Variants in FGD4 observed in about 807,000 individuals in gnomAD.
FGD4 encodes FYVE, RhoGEF and PH domain-containing protein 4.
A neutral mutation model predicts 102.0 loss-of-function variants in FGD4; 42 were observed. That is an observed-to-expected ratio of 0.41 (90% CI 0.32 to 0.53). FGD4 has a LOEUF of 0.53. Ranked by LOEUF, FGD4 falls within the 20% of genes least tolerant of loss-of-function variation. The probability of loss-of-function intolerance (pLI) is 0.21; values close to 1 mark genes in which losing one functional copy is unlikely to be tolerated. For synonymous variants in FGD4, 380 were observed against 375.7 expected, an observed-to-expected ratio of 1.01 and a Z score of -0.13; for missense variants, 902 against 1,078.2, an observed-to-expected ratio of 0.84 and a Z score of 2.29.
chr12:32,525,500 A>G (rs1364799127), intron 1 of FGD4, among the ~76,000 whole-genome samples: 1 of 152,236 alleles, frequency 6.6e-6, no homozygotes, highest in African/African-American at 2.4e-5. Flanking sequence ...TTGAGAGGTG[A>G]CAGCGTGCTG....
chr12:32,618,501 A>G (rs111553153), intron 10 of FGD4, among the ~76,000 whole-genome samples: 22,573 of 151,994 alleles, frequency 0.15, 1,911 homozygotes, highest in Middle Eastern at 0.24. Context: ...TAAATAGGCT[A>G]TTTTTTAAAA....
intron 5 of FGD4, among the ~76,000 whole-genome samples, chr12:32,601,045 A>G (rs1948391102): frequency 6.6e-6 from 1 of 152,230 alleles, no homozygotes; most frequent in Admixed American, 6.5e-5. Context: ...TCGCCATAAT[A>G]TTCCTATGGA....
At chr12:32,441,765 T>C (rs781307356) in intron 1 of FGD4, among the ~76,000 whole-genome samples, 3 of 152,040 alleles carry the variant, frequency 2.0e-5, no homozygotes, top group Non-Finnish European at 4.4e-5. Flanking sequence ...TAGACTGCCT[T>C]TCAAGTTTAC....
chr12:32,470,740 C>T (rs933736901), intron 1 of FGD4, among the ~76,000 whole-genome samples: 15 of 152,130 alleles, frequency 9.9e-5, no homozygotes, highest in African/African-American at 2.7e-4. Flanking sequence ...AGGCGTGAGC[C>T]GCTGCGCCCG....
chr12:32,529,536 A>G (rs770976532), intron 1 of FGD4, among the ~76,000 whole-genome samples: 2 of 151,906 alleles, frequency 1.3e-5, no homozygotes, highest in Admixed American at 6.6e-5. Flanking sequence ...GCTTATTTGT[A>G]CATAATTTAT....
intron 1 of FGD4, among the ~76,000 whole-genome samples, chr12:32,413,038 C>G (rs1353959584): frequency 6.0e-5 from 9 of 149,406 alleles, no homozygotes; most frequent in African/African-American, 2.2e-4. Flanking sequence ...AATTGCGCCA[C>G]TGCACTCCAG....
chr12:32,624,623 A>G (rs1950039165), intron 12 of FGD4, 171 bp downstream of exon 12: 2 of 697,634 alleles, frequency 2.9e-6, no homozygotes, highest in Non-Finnish European at 5.1e-6. Context: ...GGCGTGCACC[A>G]CCATGTCTGG....
Position 32,530,941 on chromosome 12 carries a change from G to GTTTTTTTTTTTTTTTTTTTT in FGD4, c.167-33186_167-33167dup, listed in dbSNP as rs768536136. On this transcript the variant is annotated intron_variant, in intron 1 of 16. Coordinates refer to ENST00000534526, the MANE Select transcript of FGD4 (RefSeq NM_001370298.3). The stretch of plus-strand genomic sequence containing the variant: ...TATGACAATCAGTTTCCTAGCTTTG[G>GTTTTTTTTTTTTTTTTTTTT]TTTTTTTTTTTTTTTTTTTTTTTTT... 1.1e-4 allele frequency among the ~76,000 whole-genome samples: 8 copies of GTTTTTTTTTTTTTTTTTTTT among 70,478 alleles called. 2 individuals are homozygous for GTTTTTTTTTTTTTTTTTTTT. The highest frequency in any genetic ancestry group is 1.4e-4 in the African/African-American group (2 of 14,492). 46.2% of individuals were successfully genotyped at this position (70,478 alleles called of 152,430 possible).
chr12:32,571,428 C>A (rs1411158079), intron 2 of FGD4, among the ~76,000 whole-genome samples: 1 of 151,160 alleles, frequency 6.6e-6, no homozygotes, highest in Non-Finnish European at 1.5e-5. Context: ...ACCCTCCAGC[C>A]TGGGTGACAG....
chr12:32,518,536 G>A (rs1040683105), intron 1 of FGD4, among the ~76,000 whole-genome samples: 2 of 151,848 alleles, frequency 1.3e-5, no homozygotes, highest in East Asian at 1.9e-4. Flanking sequence ...CCTTTTTCTA[G>A]CATTTTTTTC....
chr12:32,471,635 C>T (rs1359639665), intron 1 of FGD4, among the ~76,000 whole-genome samples: 3 of 152,118 alleles, frequency 2.0e-5, no homozygotes, highest in Non-Finnish European at 2.9e-5. Flanking sequence ...TATTATGTCT[C>T]ATGATTCAGT....
intron 2 of FGD4, 133 bp downstream of exon 2, chr12:32,564,422 G>A: frequency 8.7e-7 from 1 of 1,144,664 alleles, no homozygotes; most frequent in Non-Finnish European, 1.2e-6. Flanking sequence ...TTTTAGAGAA[G>A]AGTCCATCTG....
At chr12:32,522,706 C>T (rs1940674677) in intron 1 of FGD4, among the ~76,000 whole-genome samples, 1 of 152,136 alleles carries the variant, frequency 6.6e-6, no homozygotes, top group Non-Finnish European at 1.5e-5. Flanking sequence ...CTTCTCAAAA[C>T]CTTGGGTGAT....
At chr12:32,530,706 ATATT>A (rs766531708) in intron 1 of FGD4, among the ~76,000 whole-genome samples, 39 of 151,174 alleles carry the variant, frequency 2.6e-4, no homozygotes, top group Non-Finnish European at 3.6e-4. Flanking sequence ...ATCACTAAAC[ATATT>A]TATTTAATAG....
At chr12:32,521,330 C>T (rs1940523836) in intron 1 of FGD4, among the ~76,000 whole-genome samples, 1 of 147,632 alleles carries the variant, frequency 6.8e-6, no homozygotes, top group Non-Finnish European at 1.5e-5. Context: ...GAGCCAAGAT[C>T]GCACCACTGC....
chr12:32,493,786 C>G (rs1253899308), intron 1 of FGD4, among the ~76,000 whole-genome samples: 1 of 152,076 alleles, frequency 6.6e-6, no homozygotes, highest in African/African-American at 2.4e-5. Context: ...AAGAAACGTT[C>G]AATATAATGT....
rs1943073135 is a variant in FGD4, at chr12:32,544,396, C to T, written c.167-19741C>T. ...AGTGAGCCGAGATGGTGCCACTGCACTCCAGCCTGGGTGACAAAGCAAGAC... is the reference window on the plus strand; with the variant it reads ...AGTGAGCCGAGATGGTGCCACTGCATTCCAGCCTGGGTGACAAAGCAAGAC... On this transcript the variant is annotated intron_variant, in intron 1 of 16. Coordinates refer to ENST00000534526, the MANE Select transcript of FGD4 (RefSeq NM_001370298.3). The surrounding 1 kb of genome is among the most constrained non-coding windows in gnomAD (Gnocchi z 4.1). 6.6e-6 allele frequency among the ~76,000 whole-genome samples: 1 copy of T among 152,120 alleles called. No individual in the cohort carries two copies. The highest frequency in any genetic ancestry group is 6.5e-5 in the Admixed American group (1 of 15,274).
At chr12:32,518,677 G>A (rs1417190654) in intron 1 of FGD4, among the ~76,000 whole-genome samples, 2 of 152,060 alleles carry the variant, frequency 1.3e-5, no homozygotes, top group African/African-American at 4.8e-5. Flanking sequence ...CTGGTTAAGT[G>A]GACTGAGATG....
intron 1 of FGD4, among the ~76,000 whole-genome samples, chr12:32,497,550 G>A (rs1158990378): frequency 2.0e-5 from 3 of 152,094 alleles, no homozygotes; most frequent in Admixed American, 1.3e-4. Flanking sequence ...TTTGATCCCC[G>A]ATTAGGAGAG....
Sources: allele counts gnomAD v4.1 joint callset (sites outside exome capture counted in the v4.1 genomes callset), GRCh38; gene constraint gnomAD v4.1.1; non-coding constraint Gnocchi (gnomAD v3.1); transcripts MANE v1.5; gene names NCBI Gene and HGNC (gene_info 2026-07-23, HGNC 2026-07-21).